The following LRP6 variants were observed in gnomAD, a reference collection of about 807,000 sequenced individuals.
LRP6 encodes low-density lipoprotein receptor-related protein 6.
In LRP6, 43 loss-of-function variants were observed where a neutral mutation model predicts 184.1. The ratio of observed to expected loss-of-function variants is 0.23; its 90% CI spans 0.18 to 0.30. The LOEUF (loss-of-function observed/expected upper bound fraction) is 0.30. LRP6 is among the 10% of genes least tolerant of loss of function. The pLI is 1.00. For synonymous variants in LRP6, 719 were observed against 684.9 expected, an observed-to-expected ratio of 1.05 and a Z score of -0.78; for missense variants, 1,571 against 2,005.3, an observed-to-expected ratio of 0.78 and a Z score of 4.14.
chr12:12,166,193 C>T (rs535309171), intron 7 of LRP6, among the ~76,000 whole-genome samples: 4 of 152,130 alleles, frequency 2.6e-5, no homozygotes, highest in South Asian at 2.1e-4. Flanking sequence ...TTGCCCAGCA[C>T]GCAGGCCCCT....
intron 3 of LRP6, among the ~76,000 whole-genome samples, chr12:12,188,253 G>A (rs895906861): frequency 1.3e-5 from 2 of 151,482 alleles, no homozygotes; most frequent in African/African-American, 4.8e-5. Context: ...AAATGCTCTG[G>A]AATAATGAAC....
intron 16 of LRP6, among the ~76,000 whole-genome samples, chr12:12,137,889 G>A (rs925526153): frequency 1.3e-5 from 2 of 152,036 alleles, no homozygotes; most frequent in Non-Finnish European, 2.9e-5. Context: ...GAGGCTGGGT[G>A]TGGTGGATCA....
chr12:12,130,706 A>C, intron 19 of LRP6, 77 bp downstream of exon 19: 1 of 829,206 alleles, frequency 1.2e-6, no homozygotes, highest in South Asian at 1.4e-5. Context: ...AATCTCGATA[A>C]GTAAACCTCA....
At chr12:12,183,339 A>C (rs1225739806) in intron 5 of LRP6, among the ~76,000 whole-genome samples, 1 of 152,214 alleles carries the variant, frequency 6.6e-6, no homozygotes, top group East Asian at 1.9e-4. Flanking sequence ...AAGAAGAAAA[A>C]CAGAAGAACT....
intron 7 of LRP6, among the ~76,000 whole-genome samples, chr12:12,167,658 A>T (rs993381658): frequency 1.3e-5 from 2 of 150,406 alleles, no homozygotes. Flanking sequence ...AAAAAAAGGG[A>T]CAGCGCCACT....
rs547712128 is a variant in LRP6 at position 12,228,852 on chromosome 12, T to G, written c.449+15410A>C. ...TGGTGCCAAAAAGTTTAGGGACCAC[T>G]GCTCTAGGGAAAGCAGAAAATGGCA... On this transcript the variant is annotated intron_variant, in intron 2 of 22. Coordinates refer to ENST00000261349, the MANE Select transcript of LRP6 (RefSeq NM_002336.3). Among the ~76,000 whole-genome samples the G allele has an allele frequency of 2.0e-5, 3 of 152,172 alleles. No homozygotes were observed. The South Asian group carries it at 6.2e-4, about 32-fold the overall frequency.
At chr12:12,213,847 A>C (rs1444086726) in intron 2 of LRP6, among the ~76,000 whole-genome samples, 1 of 152,166 alleles carries the variant, frequency 6.6e-6, no homozygotes, top group Non-Finnish European at 1.5e-5. Flanking sequence ...CATAGATTTA[A>C]CATTAGCTCT....
intron 1 of LRP6, among the ~76,000 whole-genome samples, chr12:12,257,828 G>A (rs188743501): frequency 2.9e-4 from 39 of 136,226 alleles, no homozygotes; most frequent in Admixed American, 2.5e-3. Context: ...TGAGCCGGGC[G>A]TGGTAGCACG....
chr12:12,242,312 A>C (rs1240250229), intron 2 of LRP6, among the ~76,000 whole-genome samples: 1 of 152,186 alleles, frequency 6.6e-6, no homozygotes, highest in African/African-American at 2.4e-5. Context: ...GATAAACCAA[A>C]CCCCCTCTCT....
chr12:12,129,561 CTTTTTTTTT>C (rs1949718384), intron 19 of LRP6, among the ~76,000 whole-genome samples: 1 of 150,298 alleles, frequency 6.7e-6, no homozygotes, highest in Non-Finnish European at 1.5e-5. Flanking sequence ...TCTTTTTTTT[CTTTTTTTTT>C]GAGATGGAGT....
chr12:12,204,178 A>G (rs1437464193), intron 2 of LRP6, among the ~76,000 whole-genome samples: 1 of 151,954 alleles, frequency 6.6e-6, no homozygotes, highest in African/African-American at 2.4e-5. Context: ...CCTGCCCCCA[A>G]AAAATGCATA....
At chr12:12,141,016 A>G (rs1031056986) in intron 15 of LRP6, among the ~76,000 whole-genome samples, 8 of 152,338 alleles carry the variant, frequency 5.3e-5, no homozygotes, top group African/African-American at 1.4e-4. Flanking sequence ...AAGAAGTTAA[A>G]TTCCTTAATT....
intron 16 of LRP6, 53 bp downstream of exon 16, chr12:12,138,268 TATTA>T: frequency 7.0e-7 from 1 of 1,432,406 alleles, no homozygotes; most frequent in East Asian, 2.3e-5. Context: ...CAAAAGTACA[TATTA>T]ATTTATTATA....
In LRP6 at chr12:12,262,111, G is replaced by A. The variant is rs138526623; in HGVS notation, c.55+4570C>T. Among the ~76,000 whole-genome samples, 553 of 152,186 alleles carry A rather than the reference G, an allele frequency of 3.6e-3. 9 individuals are homozygous for A. The highest frequency in any genetic ancestry group is 0.021 in the South Asian group (103 of 4,816). Reference sequence around the variant, plus strand: ...TACAAAAATTAGGCCGGGCACAGTGGCTCACACCTGTAATCCCAGCACTTT... The same window carrying A: ...TACAAAAATTAGGCCGGGCACAGTGACTCACACCTGTAATCCCAGCACTTT... On this transcript the variant is annotated intron_variant, in intron 1 of 22. Coordinates refer to ENST00000261349, the MANE Select transcript of LRP6 (RefSeq NM_002336.3).
chr12:12,173,768 G>A (rs750836891), intron 7 of LRP6, among the ~76,000 whole-genome samples: 3 of 152,148 alleles, frequency 2.0e-5, no homozygotes, highest in Non-Finnish European at 2.9e-5. Context: ...TTACAAGTGT[G>A]AGCCACTGTG....
At chr12:12,226,684 C>G (rs1864632217) in intron 2 of LRP6, 1 of 152,266 alleles carries the variant, frequency 6.6e-6, no homozygotes, top group Non-Finnish European at 1.5e-5. Context: ...GCGTTCAGTT[C>G]AGCAGCACAT....
At chr12:12,252,030 A>T (rs995667561) in intron 1 of LRP6, among the ~76,000 whole-genome samples, 1 of 152,122 alleles carries the variant, frequency 6.6e-6, no homozygotes, top group Non-Finnish European at 1.5e-5. Context: ...AGGAGCTAGA[A>T]CTATAGGCAT....
chr12:12,166,702 G>C (rs570391271), intron 7 of LRP6, among the ~76,000 whole-genome samples: 9 of 152,248 alleles, frequency 5.9e-5, no homozygotes, highest in African/African-American at 2.2e-4. Context: ...TCTATTATGA[G>C]ATCAACAAAA....
intron 1 of LRP6, among the ~76,000 whole-genome samples, chr12:12,246,368 T>C (rs1427314564): frequency 6.6e-6 from 1 of 151,758 alleles, no homozygotes; most frequent in Non-Finnish European, 1.5e-5. Flanking sequence ...AGTGGTAGTA[T>C]TGGATAGCAC....
Sources: gnomAD v4.1 joint callset for allele counts (sites outside exome capture counted in the v4.1 genomes callset) on GRCh38, gnomAD v4.1.1 for gene constraint, MANE v1.5 for transcripts, NCBI Gene and HGNC (gene_info 2026-07-23, HGNC 2026-07-21) for gene names.